Variants in DCT observed in about 807,000 individuals in gnomAD.
DCT encodes dopachrome tautomerase.
Under a neutral mutation model 53.0 loss-of-function variants are expected in DCT, and 47 were observed. That is an observed-to-expected ratio of 0.89 (90% confidence interval 0.70 to 1.13). The LOEUF is 1.13. DCT is among the 50% of genes most tolerant of loss of function. DCT has a pLI of 0.00. For missense variants in DCT, 669 were observed against 637.4 expected (o/e 1.05, Z -0.53); for synonymous variants, 244 against 237.0 (o/e 1.03, Z -0.27).
At chr13:94,443,661 T>C (rs1882514850) in intron 6 of DCT, 24 bp from the exon 7 acceptor site, 1 of 1,579,404 alleles carries the variant, frequency 6.3e-7, no homozygotes, top group African/African-American at 1.3e-5. Flanking sequence ...GGACACAGCA[T>C]TTAACATAAA....
At position 94,468,754 on chromosome 13, in the gene DCT, G is replaced by T; in HGVS notation, c.587C>A (p.Thr196Lys). The stretch of plus-strand genomic sequence containing the variant: ...CCAAGGAAAAAACCCACCTAATAAT[G>T]TATCTCTAACAGAATAATAATGGAG... ...VWLHYYSVRDTLLGPGRPYRA... is the reference protein window; with the variant it reads ...VWLHYYSVRDKLLGPGRPYRA... The change falls in exon 2 of 8, where the codon ACA becomes AAA. Residue 196 changes from threonine (T) to lysine (K), a missense_variant. Physicochemically the swap from Thr to Lys is moderately conservative, Grantham distance 78 (BLOSUM62 -1). Coordinates refer to ENST00000377028, the MANE Select transcript of DCT (RefSeq NM_001922.5). The T allele has an allele frequency of 6.2e-7, 1 of 1,612,530 alleles. No individual in the cohort carries two copies. Among genetic ancestry groups the T allele is most frequent in the Non-Finnish European group, 8.5e-7 (1 of 1,178,996 alleles).
At chr13:94,491,019 G>C in the DCT span, among the ~76,000 whole-genome samples, 1 of 152,186 alleles carries the variant, frequency 6.6e-6, no homozygotes. Context: ...GGAGGGGTGA[G>C]CAACCTTCTT....
At chr13:94,445,451 T>C (rs1882653671) in intron 6 of DCT, among the ~76,000 whole-genome samples, 1 of 152,136 alleles carries the variant, frequency 6.6e-6, no homozygotes, top group Non-Finnish European at 1.5e-5. Context: ...ATGGCGAGGC[T>C]CAAGATTTCA....
chr13:94,529,480 A>G, the DCT span, among the ~76,000 whole-genome samples: 2 of 152,248 alleles, frequency 1.3e-5, no homozygotes, highest in Admixed American at 1.3e-4. Context: ...CTGAGGATTA[A>G]TAAACTCACT....
chr13:94,441,445 C>T (rs376902399), intron 7 of DCT, among the ~76,000 whole-genome samples: 2 of 152,120 alleles, frequency 1.3e-5, no homozygotes, highest in African/African-American at 4.8e-5. Context: ...GTTGTGCGAC[C>T]ATCGCCACCA....
chr13:94,469,417 T>C (rs972134441), intron 1 of DCT, among the ~76,000 whole-genome samples: 1 of 152,088 alleles, frequency 6.6e-6, no homozygotes, highest in Non-Finnish European at 1.5e-5. Flanking sequence ...CCTAATCCAA[T>C]ATGACTGGTG....
chr13:94,443,655 A>G lies in DCT; in HGVS notation c.1180-18T>C, dbSNP rs746931456. On this transcript the variant is annotated intron_variant, in intron 6 of 7. Transcript: ENST00000377028. ...TGAAGAACCTGCAAAACAGTTGGAC[A>G]CAGCATTTAACATAAATCAGTCTGT... 6.3e-7 allele frequency: 1 copy of G among 1,584,406 alleles called. No individual in the cohort carries two copies. Among genetic ancestry groups the G allele is most frequent in the Non-Finnish European group, 8.7e-7 (1 of 1,154,834 alleles).
the DCT span, among the ~76,000 whole-genome samples, chr13:94,528,953 A>G: frequency 2.0e-5 from 3 of 152,212 alleles, no homozygotes; most frequent in Admixed American, 6.5e-5. Context: ...AAGATCTACC[A>G]AGCAAATGGA....
chr13:94,499,271 C>T, the DCT span, among the ~76,000 whole-genome samples: 251 of 152,186 alleles, frequency 1.6e-3, no homozygotes, highest in South Asian at 4.2e-3. Context: ...TAACACTCAC[C>T]GTGAAGGTCT....
At chr13:94,450,107 G>A (rs1001063729) in intron 6 of DCT, among the ~76,000 whole-genome samples, 5 of 152,160 alleles carry the variant, frequency 3.3e-5, no homozygotes, top group Non-Finnish European at 7.3e-5. Flanking sequence ...GACCCAGAGA[G>A]CTCCTCCCTT....
At chr13:94,538,832 A>T in the DCT span, among the ~76,000 whole-genome samples, 1 of 152,010 alleles carries the variant, frequency 6.6e-6, no homozygotes, top group Non-Finnish European at 1.5e-5. Context: ...TGTCTAAGCT[A>T]CTCAGCTGCT....
At chr13:94,452,878 T>C (rs1173396142) in intron 6 of DCT, among the ~76,000 whole-genome samples, 1 of 152,100 alleles carries the variant, frequency 6.6e-6, no homozygotes, top group Non-Finnish European at 1.5e-5. Flanking sequence ...TAGATAAATA[T>C]ATAAACATAT....
rs758102115 is a variant in DCT, at chr13:94,479,044, C to T, written c.212G>A (p.Trp71Ter). The T allele has an allele frequency of 6.2e-6, 10 of 1,614,138 alleles. No individual in the cohort carries two copies. Among genetic ancestry groups the T allele is most frequent in the Admixed American group, 5.0e-5 (3 of 60,008 alleles). ...CTEVRADTRP[W>*]SGPYILRNQD... ...GTTTCGTAGGATGTAGGGACCACTCCAGGGCCTTGTGTCGGCTCGCACCTC... is the reference window on the plus strand; with the variant it reads ...GTTTCGTAGGATGTAGGGACCACTCTAGGGCCTTGTGTCGGCTCGCACCTC... The change falls in exon 1 of 8, where the codon TGG becomes TAG. Residue 71 changes from tryptophan (W) to a stop codon, truncating the protein, a stop_gained. Transcript: ENST00000377028. LOFTEE classifies it high-confidence loss of function.
chr13:94,514,314 AC>A, the DCT span, among the ~76,000 whole-genome samples: 6 of 131,260 alleles, frequency 4.6e-5, no homozygotes, highest in African/African-American at 1.6e-4. Context: ...AACCACCAAA[AC>A]GGGGGTGGGC....
chr13:94,507,736 G>A, the DCT span, among the ~76,000 whole-genome samples: 4 of 152,202 alleles, frequency 2.6e-5, no homozygotes, highest in East Asian at 5.8e-4. Context: ...TCCTGACCTC[G>A]TGATCCACCT....
chr13:94,443,864 A>G (rs1190196625), intron 6 of DCT, among the ~76,000 whole-genome samples: 1 of 152,186 alleles, frequency 6.6e-6, no homozygotes, highest in African/African-American at 2.4e-5. Flanking sequence ...AAAACAGTTA[A>G]GTTTTCAACG....
the DCT span, among the ~76,000 whole-genome samples, chr13:94,527,722 C>T: frequency 6.6e-6 from 1 of 152,180 alleles, no homozygotes; most frequent in Non-Finnish European, 1.5e-5. Flanking sequence ...AAACAGAACA[C>T]CTCTTCTCCT....
chr13:94,503,957 T>G, the DCT span, among the ~76,000 whole-genome samples: 1 of 152,218 alleles, frequency 6.6e-6, no homozygotes, highest in Non-Finnish European at 1.5e-5. Context: ...AAATGAATGG[T>G]GTTGGTTGTG....
At chr13:94,507,409 C>T in the DCT span, among the ~76,000 whole-genome samples, 1 of 152,228 alleles carries the variant, frequency 6.6e-6, no homozygotes, top group East Asian at 1.9e-4. Context: ...CAATCTCACA[C>T]CACAAGCGAA....
Sources: gnomAD v4.1 joint callset for allele counts (sites outside exome capture counted in the v4.1 genomes callset) on GRCh38, gnomAD v4.1.1 for gene constraint, MANE v1.5 for transcripts, NCBI Gene and HGNC (gene_info 2026-07-23, HGNC 2026-07-21) for gene names.